Variants in VPS13B observed in about 807,000 individuals in gnomAD.
The protein encoded by VPS13B is vacuolar protein sorting 13 homolog B.
Under a neutral mutation model 426.4 loss-of-function variants are expected in VPS13B, and 285 were observed. The ratio of observed to expected loss-of-function variants is 0.67; its 90% CI spans 0.61 to 0.74. The LOEUF is 0.74. VPS13B is among the 30% of genes least tolerant of loss of function. The probability of loss-of-function intolerance (pLI) is 0.00; values close to 1 mark genes in which losing one functional copy is unlikely to be tolerated. For synonymous variants in VPS13B, 1,676 were observed against 1,676.4 expected, an observed-to-expected ratio of 1.00 and a Z score of 0.01; for missense variants, 4,537 against 4,782.6, an observed-to-expected ratio of 0.95 and a Z score of 1.51.
chr8:99,056,236 G>A (rs755867905), intron 3 of VPS13B, among the ~76,000 whole-genome samples: 1 of 151,578 alleles, frequency 6.6e-6, no homozygotes, highest in Non-Finnish European at 1.5e-5. Context: ...TTTTTTGTGT[G>A]TTTTTGTAGA....
Position 99,809,545 on chromosome 8 carries a change from G to A in VPS13B, c.8097+15G>A. The A allele has an allele frequency of 1.2e-6, 2 of 1,613,884 alleles. No individual in the cohort carries two copies. The highest frequency in any genetic ancestry group is 1.7e-6 in the Non-Finnish European group (2 of 1,179,876). The stretch of plus-strand genomic sequence containing the variant: ...TACAAAAACAGGTAAGTTTCTTTGT[G>A]TTCATGACCCAGACACCTCTTAATT... On this transcript the variant is annotated intron_variant, in intron 44 of 61. Transcript: ENST00000357162.
intron 33 of VPS13B, among the ~76,000 whole-genome samples, chr8:99,587,809 GA>G (rs1232789398): frequency 2.0e-5 from 3 of 151,774 alleles, no homozygotes; most frequent in Non-Finnish European, 4.4e-5. Context: ...TTGCTGTGCA[GA>G]AGCCCTTTAG....
At chr8:99,835,516 A>G (rs1473938416) in intron 53 of VPS13B, 23 bp from the exon 54 acceptor site, 1 of 1,610,988 alleles carries the variant, frequency 6.2e-7, no homozygotes, top group Admixed American at 1.7e-5. Context: ...CTAATTCTGC[A>G]TATGCCTTTT....
At chr8:99,849,008 T>C in intron 55 of VPS13B, 114 bp downstream of exon 55, 1 of 991,880 alleles carries the variant, frequency 1.0e-6, no homozygotes, top group Non-Finnish European at 1.6e-6. Context: ...TTTGGTTAAT[T>C]ATCATGTAAT....
intron 15 of VPS13B, among the ~76,000 whole-genome samples, chr8:99,162,841 C>G (rs1033828401): frequency 9.9e-5 from 15 of 152,140 alleles, no homozygotes; most frequent in Non-Finnish European, 1.5e-4. Context: ...AATGCTGGCT[C>G]GGGCAGCCTG....
chr8:99,370,983 G>C (rs531708477), intron 19 of VPS13B, among the ~76,000 whole-genome samples: 2 of 152,198 alleles, frequency 1.3e-5, no homozygotes, highest in East Asian at 3.9e-4. Flanking sequence ...GAAAGCAGAA[G>C]AAAAATAACT....
chr8:99,278,779 TA>T (rs1487203628), intron 19 of VPS13B, among the ~76,000 whole-genome samples: 85 of 152,228 alleles, frequency 5.6e-4, no homozygotes, highest in African/African-American at 2.0e-3. Context: ...GTCATGATCT[TA>T]CAGCATTTCT....
At chr8:99,394,299 G>C (rs771658755) in intron 21 of VPS13B, among the ~76,000 whole-genome samples, 1 of 152,062 alleles carries the variant, frequency 6.6e-6, no homozygotes, top group African/African-American at 2.4e-5. Context: ...ATATATAGTG[G>C]TTTTGACACA....
chr8:99,465,781 GA>G (rs1366587827), intron 23 of VPS13B, among the ~76,000 whole-genome samples: 4 of 152,076 alleles, frequency 2.6e-5, no homozygotes, highest in Admixed American at 1.3e-4. Context: ...TTCCTAGGGG[GA>G]AAAATATTTT....
Position 99,766,810 on chromosome 8 carries a change from A to C in VPS13B, c.7087A>C (p.Lys2363Gln), listed in dbSNP as rs533701597. Residue 2363 changes from lysine (K) to glutamine (Q), a missense_variant, in exon 40 of 62, where the codon AAG becomes CAG. Physicochemically the swap from Lys to Gln is moderately conservative, Grantham distance 53 (BLOSUM62 1). Transcript: ENST00000357162. ...CTTGGAATACTGGGATGAACTCCAG[A>C]AGGTTTTTGTTGCATTTAGAGAATT... Reference protein sequence around the residue: ...CSLEYWDELQKVFVAFREFNL... With the variant: ...CSLEYWDELQQVFVAFREFNL... 281 of 1,613,938 alleles carry C rather than the reference A, an allele frequency of 1.7e-4. 2 individuals carry two copies. In the South Asian group the frequency reaches 2.8e-3, roughly 16 times the overall value.
intron 33 of VPS13B, among the ~76,000 whole-genome samples, chr8:99,603,069 G>C (rs1008727705): frequency 6.6e-6 from 1 of 152,154 alleles, no homozygotes; most frequent in Non-Finnish European, 1.5e-5. Context: ...AAATGTCAGT[G>C]GGAAGAATCC....
chr8:99,473,615 ATT>A (rs1194027675), intron 24 of VPS13B, among the ~76,000 whole-genome samples: 2 of 152,154 alleles, frequency 1.3e-5, no homozygotes, highest in Non-Finnish European at 2.9e-5. Flanking sequence ...AAAGTCCAGG[ATT>A]TCTGCTTTCA....
intron 19 of VPS13B, among the ~76,000 whole-genome samples, chr8:99,354,661 C>A (rs1812084578): frequency 6.6e-6 from 1 of 152,026 alleles, no homozygotes; most frequent in Non-Finnish European, 1.5e-5. Context: ...ATTCAGAATT[C>A]AAAGTTATTA....
At chr8:99,783,062 A>G (rs115942703) in intron 42 of VPS13B, among the ~76,000 whole-genome samples, 28 of 152,268 alleles carry the variant, frequency 1.8e-4, no homozygotes, top group African/African-American at 5.8e-4. Flanking sequence ...ACCTACTTCA[A>G]GGGCATTCTG....
At chr8:99,063,557 A>G (rs1844314491) in intron 3 of VPS13B, among the ~76,000 whole-genome samples, 1 of 152,174 alleles carries the variant, frequency 6.6e-6, no homozygotes, top group East Asian at 1.9e-4. Context: ...TAGGTAAACA[A>G]AGCAGCCAGG....
chr8:99,178,646 G>C (rs961449746), intron 16 of VPS13B, among the ~76,000 whole-genome samples: 2 of 151,966 alleles, frequency 1.3e-5, no homozygotes, highest in Non-Finnish European at 2.9e-5. Context: ...TTTTGAGACA[G>C]AGTCTTGTTC....
At chr8:99,039,817 G>A (rs1045552698) in intron 3 of VPS13B, among the ~76,000 whole-genome samples, 7 of 151,854 alleles carry the variant, frequency 4.6e-5, no homozygotes, top group Non-Finnish European at 8.8e-5. Flanking sequence ...TTCCAAACAC[G>A]TATTATCCAA....
chr8:99,818,332 G>C (rs1814163659), intron 45 of VPS13B, 119 bp from the exon 46 acceptor site: 4 of 1,080,708 alleles, frequency 3.7e-6, no homozygotes, highest in South Asian at 2.8e-5. Context: ...TTTAATAATG[G>C]CTTTTTCCCT....
Position 99,573,521 on chromosome 8 carries a change from T to A in VPS13B, c.4950-2137T>A, listed in dbSNP as rs544376823. ...TGAGTTTCAGCTTTCTACATATGGCTAGCCAGTTTTCCCAGCACCATTTAT... is the reference window on the plus strand; with the variant it reads ...TGAGTTTCAGCTTTCTACATATGGCAAGCCAGTTTTCCCAGCACCATTTAT... On this transcript the variant is annotated intron_variant, in intron 31 of 61. Coordinates refer to ENST00000357162, the MANE Select transcript of VPS13B (RefSeq NM_152564.5). Among the ~76,000 whole-genome samples, 73 of 152,342 alleles carry A rather than the reference T, an allele frequency of 4.8e-4. No individual in the cohort carries two copies. In the South Asian group the frequency reaches 0.015, roughly 31 times the overall value.
Sources: gnomAD v4.1 joint callset for allele counts (sites outside exome capture counted in the v4.1 genomes callset) on GRCh38, gnomAD v4.1.1 for gene constraint, MANE v1.5 for transcripts, NCBI Gene and HGNC (gene_info 2026-07-23, HGNC 2026-07-21) for gene names.